LCLAT1: variants seen among roughly 807,000 people sequenced by gnomAD.
The protein encoded by LCLAT1 is lysocardiolipin acyltransferase 1, also known as 1-AGP acyltransferase 8.
Under a neutral mutation model 30.7 loss-of-function variants are expected in LCLAT1, and 11 were observed. The ratio of observed to expected loss-of-function variants is 0.36; its 90% CI spans 0.23 to 0.59. The LOEUF (loss-of-function observed/expected upper bound fraction) is 0.59. LCLAT1 is among the 20% of genes least tolerant of loss of function. The pLI, the probability that LCLAT1 is intolerant of heterozygous loss-of-function variation, is 0.77. For synonymous variants in LCLAT1, 155 were observed against 151.3 expected, an observed-to-expected ratio of 1.02 and a Z score of -0.18; for missense variants, 402 against 458.6, an observed-to-expected ratio of 0.88 and a Z score of 1.13.
intron 1 of LCLAT1, among the ~76,000 whole-genome samples, chr2:30,523,141 AAAAC>A (rs1478675869): frequency 6.6e-6 from 1 of 152,092 alleles, no homozygotes; most frequent in African/African-American, 2.4e-5. Flanking sequence ...GGCAGAAAAA[AAAAC>A]AGTAGATAGA....
At chr2:30,511,261 C>G (rs1008515440) in intron 1 of LCLAT1, among the ~76,000 whole-genome samples, 1 of 152,032 alleles carries the variant, frequency 6.6e-6, no homozygotes, top group Non-Finnish European at 1.5e-5. Context: ...GTGATCTGAC[C>G]GCCTCGGCCT....
At chr2:30,551,811 C>T (rs902980918) in intron 3 of LCLAT1, among the ~76,000 whole-genome samples, 7 of 152,140 alleles carry the variant, frequency 4.6e-5, no homozygotes, top group Non-Finnish European at 7.4e-5. Flanking sequence ...CTTGTGCCTC[C>T]CTCTTCCACT....
chr2:30,455,196 T>A (rs1558447428), intron 1 of LCLAT1, among the ~76,000 whole-genome samples: 1 of 152,238 alleles, frequency 6.6e-6, no homozygotes, highest in Non-Finnish European at 1.5e-5. Flanking sequence ...TGTTACGTTC[T>A]CATTTTGAAT....
chr2:30,499,530 G>C (rs761715250), intron 1 of LCLAT1, among the ~76,000 whole-genome samples: 2 of 152,114 alleles, frequency 1.3e-5, no homozygotes, highest in Non-Finnish European at 2.9e-5. Flanking sequence ...GGGATTTTTG[G>C]ATAAAGAGTT....
In LCLAT1 at chr2:30,640,409, C is replaced by G; in HGVS notation, c.921C>G (p.Val307=). The G allele has an allele frequency of 6.2e-7, 1 of 1,614,208 alleles. No individual in the cohort carries two copies. The highest frequency in any genetic ancestry group is 8.5e-7 in the Non-Finnish European group (1 of 1,180,038). Residue 307 remains valine, a synonymous_variant, in exon 6 of 6, where the codon GTC becomes GTG. Transcript: ENST00000379509. The part of the protein sequence containing the change: ...PCKSELRVLV[V]KLLSILYWTL... ...AGTCTGAACTCAGGGTCCTTGTGGT[C>G]AAATTGCTCTCTATACTGTATTGGA...
intron 1 of LCLAT1, among the ~76,000 whole-genome samples, chr2:30,487,923 C>G (rs1683641362): frequency 6.6e-6 from 1 of 152,230 alleles, no homozygotes; most frequent in Non-Finnish European, 1.5e-5. Context: ...ACCACAAGCA[C>G]TCCTCAACCC....
At chr2:30,553,010 T>C (rs536930729) in intron 3 of LCLAT1, among the ~76,000 whole-genome samples, 1 of 152,320 alleles carries the variant, frequency 6.6e-6, no homozygotes, top group Admixed American at 6.5e-5. Flanking sequence ...GTCATATTCA[T>C]AGTGCCATAG....
chr2:30,541,675 C>T (rs961003607), intron 3 of LCLAT1, among the ~76,000 whole-genome samples: 19 of 152,134 alleles, frequency 1.2e-4, no homozygotes, highest in African/African-American at 4.6e-4. Flanking sequence ...TACTTACATT[C>T]AATAAAATTA....
intron 1 of LCLAT1, among the ~76,000 whole-genome samples, chr2:30,514,527 G>A (rs1486062071): frequency 6.6e-6 from 1 of 152,170 alleles, no homozygotes; most frequent in African/African-American, 2.4e-5. Context: ...ATCTCTAGAT[G>A]TTAAATATGT....
intron 5 of LCLAT1, among the ~76,000 whole-genome samples, chr2:30,582,747 T>G (rs1666259883): frequency 6.6e-6 from 1 of 152,226 alleles, no homozygotes; most frequent in South Asian, 2.1e-4. Flanking sequence ...CATATTCTAT[T>G]GGCCCTATAA....
Position 30,485,423 on chromosome 2 carries a change from G to A in LCLAT1, c.-5+38040G>A, listed in dbSNP as rs186335889. Among the ~76,000 whole-genome samples, 742 of 152,120 alleles carry A rather than the reference G, an allele frequency of 4.9e-3. 6 individuals carry two copies. The highest frequency in any genetic ancestry group is 0.022 in the South Asian group (104 of 4,826). On this transcript the variant is annotated intron_variant, in intron 1 of 5. Coordinates refer to ENST00000379509, the MANE Select transcript of LCLAT1 (RefSeq NM_001002257.3). Reference sequence around the variant, plus strand: ...TGCAATGTCATCTTTTTCAATACTTGCCATTAGTGGTGTGTAAGGAAGAAA... The same window carrying A: ...TGCAATGTCATCTTTTTCAATACTTACCATTAGTGGTGTGTAAGGAAGAAA...
intron 1 of LCLAT1, among the ~76,000 whole-genome samples, chr2:30,523,159 C>T (rs529063881): frequency 3.5e-4 from 53 of 150,658 alleles, no homozygotes; most frequent in African/African-American, 1.2e-3. Context: ...AGATAGAAAA[C>T]GGTAGTTACA....
At chr2:30,602,275 T>C (rs1445211769) in intron 5 of LCLAT1, among the ~76,000 whole-genome samples, 2 of 152,000 alleles carry the variant, frequency 1.3e-5, no homozygotes, top group Non-Finnish European at 2.9e-5. Context: ...TTTTCTGCAC[T>C]GTGTATCTTA....
chr2:30,459,633 A>C (rs1682006043), intron 1 of LCLAT1: 2 of 1,613,802 alleles, frequency 1.2e-6, no homozygotes, highest in Non-Finnish European at 1.7e-6. Context: ...GGGGAAGGGA[A>C]ATTGTGGTGC....
intron 5 of LCLAT1, among the ~76,000 whole-genome samples, chr2:30,604,117 A>T (rs1667315399): frequency 6.6e-6 from 1 of 152,184 alleles, no homozygotes; most frequent in African/African-American, 2.4e-5. Flanking sequence ...GTGCCTTTAG[A>T]TTAGGGCACA....
chr2:30,607,148 T>G (rs1667483527), intron 5 of LCLAT1: 1 of 151,816 alleles, frequency 6.6e-6, no homozygotes, highest in Non-Finnish European at 1.5e-5. Flanking sequence ...GAATGTATAT[T>G]AGTTCAACCA....
chr2:30,514,747 C>T (rs528719610), intron 1 of LCLAT1, among the ~76,000 whole-genome samples: 4 of 152,260 alleles, frequency 2.6e-5, no homozygotes, highest in East Asian at 3.9e-4. Flanking sequence ...GTGATACCAG[C>T]GTCTGTCAGT....
rs1218342543 is a variant in LCLAT1 at position 30,555,004 on chromosome 2, C to T, written c.365-7142C>T. 6.6e-5 allele frequency among the ~76,000 whole-genome samples: 10 copies of T among 152,174 alleles called. 1 individual carries two copies. The East Asian group carries it at 1.9e-3, about 29-fold the overall frequency. ...AGATTCAAATATTGGAAGAGTTTAT[C>T]AACTGCTGAGCAGAATTAATGAAAA... On this transcript the variant is annotated intron_variant, in intron 3 of 5. Coordinates refer to ENST00000379509, the MANE Select transcript of LCLAT1 (RefSeq NM_001002257.3).
At chr2:30,560,322 G>GTGTGTGTA in intron 3 of LCLAT1, among the ~76,000 whole-genome samples, 1 of 139,436 alleles carries the variant, frequency 7.2e-6, no homozygotes, top group East Asian at 2.0e-4. Flanking sequence ...GTGTGTGTGT[G>GTGTGTGTA]TGTATTATTT....
Sources: gnomAD v4.1 joint callset for allele counts (sites outside exome capture counted in the v4.1 genomes callset) on GRCh38, gnomAD v4.1.1 for gene constraint, MANE v1.5 for transcripts, NCBI Gene and HGNC (gene_info 2026-07-23, HGNC 2026-07-21) for gene names.